Variants in RERE observed in about 807,000 individuals in gnomAD.
RERE encodes the protein arginine-glutamic acid dipeptide repeats protein.
Under a neutral mutation model 146.1 loss-of-function variants are expected in RERE, and 40 were observed. The ratio of observed to expected loss-of-function variants is 0.27; its 90% CI spans 0.21 to 0.36. RERE has a LOEUF of 0.36. Among genes scored for constraint, RERE ranks in the 10% least tolerant of loss-of-function variants. RERE has a pLI of 1.00. For synonymous variants in RERE, 1,003 were observed against 866.0 expected (o/e 1.16, Z -2.78); for missense variants, 1,933 against 2,138.7 (o/e 0.90, Z 1.90).
intron 1 of RERE, among the ~76,000 whole-genome samples, chr1:8,662,813 C>T (rs187937793): frequency 8.5e-5 from 13 of 152,302 alleles, no homozygotes; most frequent in African/African-American, 2.6e-4. Context: ...TTAGCACTGC[C>T]GCTTGCTGCA....
intron 7 of RERE, among the ~76,000 whole-genome samples, chr1:8,516,930 G>A (rs1645427078): frequency 6.6e-6 from 1 of 152,206 alleles, no homozygotes. Context: ...GTGATTGCCA[G>A]GTGTTAGAGA....
At chr1:8,658,737 A>G (rs772739912) in intron 1 of RERE, among the ~76,000 whole-genome samples, 10 of 151,600 alleles carry the variant, frequency 6.6e-5, no homozygotes, top group Non-Finnish European at 1.3e-4. Context: ...AGCCTGGGCA[A>G]CGAGAGAGAC....
chr1:8,404,198 G>A (rs1165896570), intron 12 of RERE, among the ~76,000 whole-genome samples: 3 of 152,094 alleles, frequency 2.0e-5, no homozygotes, highest in African/African-American at 7.2e-5. Flanking sequence ...CAGAGGCTGA[G>A]GTGGGTGAAT....
intron 10 of RERE, among the ~76,000 whole-genome samples, chr1:8,472,900 G>C (rs1326894659): frequency 6.7e-6 from 1 of 149,114 alleles, no homozygotes; most frequent in East Asian, 2.0e-4. Flanking sequence ...ACATTTACTT[G>C]TAAATCTTTC....
intron 2 of RERE, among the ~76,000 whole-genome samples, chr1:8,654,986 T>A (rs1381111386): frequency 6.6e-6 from 1 of 152,144 alleles, no homozygotes; most frequent in Non-Finnish European, 1.5e-5. Flanking sequence ...TTGCTAGTGT[T>A]CAACAGGTTT....
At chr1:8,612,505 G>A (rs568764555) in intron 4 of RERE, among the ~76,000 whole-genome samples, 1 of 152,210 alleles carries the variant, frequency 6.6e-6, no homozygotes, top group African/African-American at 2.4e-5. Context: ...TGCTCCACCA[G>A]TCATGAACTT....
intron 12 of RERE, among the ~76,000 whole-genome samples, chr1:8,369,749 C>T (rs1641959486): frequency 1.3e-5 from 2 of 152,018 alleles, no homozygotes. Context: ...AAAAAATTCT[C>T]ACACACAGAC....
intron 4 of RERE, among the ~76,000 whole-genome samples, chr1:8,603,936 C>CT (rs1646665332): frequency 9.5e-5 from 1 of 10,480 alleles, no homozygotes; most frequent in African/African-American, 6.4e-4. Context: ...GAGACCCTGT[C>CT]TCAAAAAAAA....
chr1:8,438,090 C>G (rs949009649), intron 11 of RERE, among the ~76,000 whole-genome samples: 2 of 152,218 alleles, frequency 1.3e-5, no homozygotes, highest in Non-Finnish European at 2.9e-5. Context: ...AAATGATCCT[C>G]CTGGCTCGGC....
chr1:8,664,432 G>C (rs1419776161), intron 1 of RERE, among the ~76,000 whole-genome samples: 2 of 151,546 alleles, frequency 1.3e-5, no homozygotes, highest in Non-Finnish European at 2.9e-5. Context: ...GGACACACAG[G>C]AGGATCCACA....
chr1:8,487,965 G>T (rs1235386548), intron 10 of RERE, among the ~76,000 whole-genome samples: 3 of 151,964 alleles, frequency 2.0e-5, no homozygotes, highest in South Asian at 2.1e-4. Flanking sequence ...AGAAAGCGGG[G>T]CATGGTGGCA....
intron 1 of RERE, among the ~76,000 whole-genome samples, chr1:8,764,133 C>G (rs1053729258): frequency 6.6e-6 from 1 of 152,136 alleles, no homozygotes; most frequent in East Asian, 1.9e-4. Flanking sequence ...TCTTCCCTTT[C>G]CCTCATCACT....
chr1:8,508,771 G>A lies in RERE; in HGVS notation c.831-96C>T, dbSNP rs189211546. 259 of 988,302 alleles carry A rather than the reference G, an allele frequency of 2.6e-4. 1 individual carries two copies. Among genetic ancestry groups the A allele is most frequent in the African/African-American group, 2.5e-3 (152 of 61,262 alleles). The allele number at this position is 988,302 out of a possible 1,614,324, so 61.2% of individuals were successfully genotyped here. On this transcript the variant is annotated intron_variant, in intron 7 of 22. Transcript: ENST00000400908. Reference sequence around the variant, plus strand: ...AAAAAGTAATTCTCTTCAAATAAATGAGGAAAAACTGAGGAAGAATTAACG... The same window carrying A: ...AAAAAGTAATTCTCTTCAAATAAATAAGGAAAAACTGAGGAAGAATTAACG...
rs1372272851 is a variant in RERE, at chr1:8,353,785, G to A, written c.*1302C>T. 6.6e-6 allele frequency: 1 copy of A among 152,314 alleles called. No individual in the cohort carries two copies. Among genetic ancestry groups the A allele is most frequent in the Admixed American group, 6.6e-5 (1 of 15,262 alleles). 9.4% of individuals were successfully genotyped at this position (152,314 alleles called of 1,614,324 possible). On this transcript the variant is annotated 3_prime_UTR_variant, in exon 23 of 23. Transcript: ENST00000400908. The stretch of plus-strand genomic sequence containing the variant: ...TCAAATGGTTTACCAGTGCAATGTG[G>A]GGTCACCATGCAGACCTGCCCCTAG...
At chr1:8,583,491 C>A (rs1646392107) in intron 4 of RERE, among the ~76,000 whole-genome samples, 1 of 152,128 alleles carries the variant, frequency 6.6e-6, no homozygotes, top group Admixed American at 6.5e-5. Context: ...GCAGCTGAAG[C>A]CTGGTGGGGT....
rs1215182935 is a variant in RERE at position 8,423,818 on chromosome 1, G to C, written c.1204-1011C>G. On this transcript the variant is annotated intron_variant, in intron 11 of 22. Transcript: ENST00000400908. This position sits in a 1 kb window ranked among gnomAD's most constrained non-coding sequence, Gnocchi z 5.4. ...CGCGCAGAGCCCGGCGCGGCCGCGG[G>C]CGGCTGCAAAAGGCGGCCTGGATTG... 1.9e-6 allele frequency: 1 copy of C among 526,798 alleles called. No individual in the cohort carries two copies. Among genetic ancestry groups the C allele is most frequent in the Non-Finnish European group, 2.4e-6 (1 of 413,632 alleles). 32.6% of individuals were successfully genotyped at this position (526,798 alleles called of 1,614,324 possible).
intron 12 of RERE, chr1:8,380,767 T>A: frequency 6.7e-6 from 3 of 445,680 alleles, no homozygotes; most frequent in Non-Finnish European, 9.0e-6. Context: ...CTCTTTAAGG[T>A]GACTTCAGAC....
chr1:8,536,780 A>G (rs1376992520), intron 7 of RERE, among the ~76,000 whole-genome samples: 1 of 152,244 alleles, frequency 6.6e-6, no homozygotes, highest in East Asian at 1.9e-4. Context: ...TCCAAAAGCA[A>G]AGCCCAATTA....
intron 12 of RERE, among the ~76,000 whole-genome samples, chr1:8,372,507 C>CGTGTGTGTGT (rs6143111): frequency 0.08 from 10,520 of 131,682 alleles, 591 homozygotes; most frequent in Admixed American, 0.097. Flanking sequence ...ACCATCAGGT[C>CGTGTGTGTGT]GTGTGTGTGT....
Sources: allele counts gnomAD v4.1 joint callset (sites outside exome capture counted in the v4.1 genomes callset), GRCh38; gene constraint gnomAD v4.1.1; non-coding constraint Gnocchi (gnomAD v3.1); transcripts MANE v1.5; gene names NCBI Gene and HGNC (gene_info 2026-07-23, HGNC 2026-07-21).